The following EXOSC9 variants were observed in gnomAD, a reference collection of about 807,000 sequenced individuals.
EXOSC9 encodes the protein exosome complex component RRP45.
EXOSC9 carries 38 observed loss-of-function variants against 56.5 expected under a neutral mutation model. That is an observed-to-expected ratio of 0.67 (90% CI 0.52 to 0.88). The LOEUF is 0.88. EXOSC9 is among the 40% of genes least tolerant of loss of function. The probability of loss-of-function intolerance (pLI) is 0.00; values close to 1 mark genes in which losing one functional copy is unlikely to be tolerated. For missense variants in EXOSC9, 559 were observed against 530.5 expected (o/e 1.05, Z -0.53); for synonymous variants, 170 against 170.8 (o/e 0.99, Z 0.04).
chr4:121,802,780 TTC>T lies in EXOSC9; in HGVS notation c.269_270del (p.Phe90Ter). 6.2e-7 allele frequency: 1 copy of T among 1,614,106 alleles called. No homozygotes were observed. The highest frequency in any genetic ancestry group is 8.5e-7 in the Non-Finnish European group (1 of 1,180,000). ...LELSQMAAPA[F>X]EPGRQSDLLV... Reference sequence around the variant, plus strand: ...ACTCTCTCAGATGGCCGCTCCAGCTTTCGAACCTGGCAGGTATTTAAATCTTT... The same window carrying T: ...ACTCTCTCAGATGGCCGCTCCAGCTTGAACCTGGCAGGTATTTAAATCTTT... On this transcript the variant is annotated frameshift_variant, in exon 3 of 12. Transcript: ENST00000243498. LOFTEE classifies it high-confidence loss of function.
Position 121,816,379 on chromosome 4 carries a change from A to G in EXOSC9, c.1167A>G (p.Ile389Met), listed in dbSNP as rs1386693719. ...VSDIGSQDAP[I>M]ILSDSEEEEM... is the part of the protein sequence containing the mutation. ...AATAAAAAAACAAAGATGCTCCCAT[A>G]ATACTCTCAGATAGTGAAGAAGAAG... is the stretch of plus-strand genomic sequence containing the variant. Residue 389 changes from isoleucine to methionine, a missense_variant, in exon 11 of 12, where the codon ATA (isoleucine) becomes ATG (methionine). By Grantham distance (10) the Ile-to-Met change is conservative. Coordinates refer to ENST00000243498, the MANE Select transcript of EXOSC9 (RefSeq NM_005033.3). 11 of 1,538,680 alleles carry G rather than the reference A, an allele frequency of 7.1e-6. No individual in the cohort carries two copies. The highest frequency in any genetic ancestry group is 9.6e-6 in the Non-Finnish European group (11 of 1,140,862).
At chr4:121,815,655 A>AT (rs1724469127) in intron 10 of EXOSC9, 36 of 985,488 alleles carry the variant, frequency 3.7e-5, no homozygotes, top group South Asian at 1.4e-4. Flanking sequence ...ATGACATGGC[A>AT]TTTTTTGTTA....
Position 121,817,005 on chromosome 4 carries a change from A to C in EXOSC9, c.*149A>C. On this transcript the variant is annotated 3_prime_UTR_variant, in exon 12 of 12. Transcript: ENST00000243498. Reference sequence around the variant, plus strand: ...TTTGTTTTTAATGTGCTTTAAAATAATAAACCTTCTGGAGCATTTCTCGTC... The same window carrying C: ...TTTGTTTTTAATGTGCTTTAAAATACTAAACCTTCTGGAGCATTTCTCGTC... 1 of 769,670 alleles carries C rather than the reference A, an allele frequency of 1.3e-6. No individual in the cohort carries two copies. Among genetic ancestry groups the C allele is most frequent in the Non-Finnish European group, 2.0e-6 (1 of 511,390 alleles). The allele number at this position is 769,670 out of a possible 1,614,324, so 47.7% of individuals were successfully genotyped here.
chr4:121,810,233 A>G, intron 7 of EXOSC9, 134 bp downstream of exon 7: 1 of 779,294 alleles, frequency 1.3e-6, no homozygotes, highest in Non-Finnish European at 2.1e-6. Flanking sequence ...TGGTTTCAGT[A>G]CTGTCACTAT....
chr4:121,808,808 G>T (rs1032916110), intron 6 of EXOSC9, among the ~76,000 whole-genome samples: 5 of 151,588 alleles, frequency 3.3e-5, no homozygotes, highest in Non-Finnish European at 7.4e-5. Context: ...CTCCTGAGTA[G>T]CTGGGACCAC....
chr4:121,816,174 G>A (rs1194647476), intron 10 of EXOSC9, 195 bp from the exon 11 acceptor site: 3 of 650,420 alleles, frequency 4.6e-6, no homozygotes, highest in Non-Finnish European at 8.2e-6. Flanking sequence ...GGCCAGACTG[G>A]ACTCGAGTTC....
At chr4:121,802,615 G>GT in intron 2 of EXOSC9, 59 bp from the exon 3 acceptor site, 3 of 1,562,016 alleles carry the variant, frequency 1.9e-6, no homozygotes, top group Non-Finnish European at 2.6e-6. Context: ...ATCTGTTTCA[G>GT]TTTTTTGTTT....
At chr4:121,808,400 C>T (rs1727108791) in intron 6 of EXOSC9, among the ~76,000 whole-genome samples, 1 of 152,072 alleles carries the variant, frequency 6.6e-6, no homozygotes, top group Non-Finnish European at 1.5e-5. Flanking sequence ...GGCTTTGTTG[C>T]CCAATTTGGA....
At chr4:121,808,032 G>A (rs1727076505) in intron 6 of EXOSC9, among the ~76,000 whole-genome samples, 2 of 152,070 alleles carry the variant, frequency 1.3e-5, no homozygotes, top group Admixed American at 1.3e-4. Flanking sequence ...TCTAGGAGTC[G>A]GTTACAAGGG....
intron 11 of EXOSC9, 31 bp downstream of exon 11, chr4:121,816,478 T>C (rs1245196827): frequency 1.5e-6 from 2 of 1,342,652 alleles, no homozygotes; most frequent in East Asian, 2.3e-5. Context: ...TTCAAATGTA[T>C]ACATATACTC....
At chr4:121,807,731 A>G (rs1727065959) in intron 6 of EXOSC9, 109 bp downstream of exon 6, 1 of 703,036 alleles carries the variant, frequency 1.4e-6, no homozygotes, top group Admixed American at 2.3e-5. Flanking sequence ...TTAATAGTAA[A>G]GCACCTTGTA....
intron 6 of EXOSC9, chr4:121,809,754 T>G (rs757667820): frequency 1.1e-5 from 6 of 567,028 alleles, no homozygotes; most frequent in Non-Finnish European, 1.9e-5. Flanking sequence ...GTGATTTCAT[T>G]GTAATAACTA....
At chr4:121,806,422 C>A (rs187096980) in intron 5 of EXOSC9, among the ~76,000 whole-genome samples, 2 of 151,472 alleles carry the variant, frequency 1.3e-5, no homozygotes, top group African/African-American at 4.9e-5. Flanking sequence ...GGATTACAGA[C>A]GTGAGCCACT....
At chr4:121,814,936 A>G (rs1022903747) in intron 10 of EXOSC9, 2 of 152,228 alleles carry the variant, frequency 1.3e-5, no homozygotes, top group African/African-American at 4.8e-5. Context: ...GAAATCCTAC[A>G]AGGAACTGGG....
At position 121,810,118 on chromosome 4, in the gene EXOSC9, G is replaced by A. The variant is rs760643845; in HGVS notation, c.738+19G>A. The A allele has an allele frequency of 8.1e-6, 13 of 1,607,566 alleles. No homozygotes were observed. Among genetic ancestry groups the A allele is most frequent in the Non-Finnish European group, 1.1e-5 (13 of 1,175,050 alleles). On this transcript the variant is annotated intron_variant, in intron 7 of 11. Transcript: ENST00000243498. ...AGATCAAGTTAGTGCTTTGATTAAT[G>A]TCCCATTAATAATAGGTTGCTTCTC...
chr4:121,812,587 T>G (rs1159674288), intron 8 of EXOSC9, among the ~76,000 whole-genome samples: 2 of 152,132 alleles, frequency 1.3e-5, no homozygotes, highest in African/African-American at 2.4e-5. Flanking sequence ...GCCTCATGGC[T>G]TCAAGTGATT....
At chr4:121,803,509 T>C (rs1167369237) in intron 4 of EXOSC9, among the ~76,000 whole-genome samples, 2 of 152,254 alleles carry the variant, frequency 1.3e-5, no homozygotes, top group African/African-American at 4.8e-5. Flanking sequence ...TAAATTGTGC[T>C]GCATTAGGAT....
intron 6 of EXOSC9, among the ~76,000 whole-genome samples, chr4:121,808,632 G>A (rs2149036676): frequency 6.6e-6 from 1 of 151,792 alleles, no homozygotes; most frequent in African/African-American, 2.4e-5. Flanking sequence ...CCAAAATGCT[G>A]GATTACGGGG....
At chr4:121,805,859 G>A (rs906494964) in intron 5 of EXOSC9, among the ~76,000 whole-genome samples, 5 of 148,708 alleles carry the variant, frequency 3.4e-5, no homozygotes, top group Non-Finnish European at 3.0e-5. Flanking sequence ...AGGCTGGGGT[G>A]CAGTGGCGTG....
Sources: allele counts gnomAD v4.1 joint callset (sites outside exome capture counted in the v4.1 genomes callset), GRCh38; gene constraint gnomAD v4.1.1; transcripts MANE v1.5; gene names NCBI Gene and HGNC (gene_info 2026-07-23, HGNC 2026-07-21).